Variants in PRKCI observed in about 807,000 individuals in gnomAD.
The protein encoded by PRKCI is protein kinase C iota.
A neutral mutation model predicts 84.0 loss-of-function variants in PRKCI; 43 were observed. That is an observed-to-expected ratio of 0.51 (90% CI 0.40 to 0.66). The LOEUF is 0.66. Among genes scored for constraint, PRKCI ranks in the 30% least tolerant of loss-of-function variants. PRKCI has a pLI of 0.00. For synonymous variants in PRKCI, 216 were observed against 234.4 expected, an observed-to-expected ratio of 0.92 and a Z score of 0.72; for missense variants, 459 against 745.6, an observed-to-expected ratio of 0.62 and a Z score of 4.48.
At chr3:170,236,797 G>A (rs1216553135) in intron 2 of PRKCI, among the ~76,000 whole-genome samples, 2 of 150,342 alleles carry the variant, frequency 1.3e-5, no homozygotes, top group Non-Finnish European at 2.9e-5. Context: ...GAAGGTCAAG[G>A]CTGAAGATGG....
intron 2 of PRKCI, among the ~76,000 whole-genome samples, chr3:170,250,809 C>T (rs1733425020): frequency 6.6e-6 from 1 of 152,130 alleles, no homozygotes; most frequent in Non-Finnish European, 1.5e-5. Context: ...ACCTTCCTAC[C>T]AGCAGTGTAT....
chr3:170,240,585 T>C (rs550507320), intron 2 of PRKCI, among the ~76,000 whole-genome samples: 1 of 152,362 alleles, frequency 6.6e-6, no homozygotes, highest in South Asian at 2.1e-4. Context: ...TATTTTTAAG[T>C]TACTTTCAAT....
chr3:170,242,088 A>G (rs1733146774), intron 2 of PRKCI, among the ~76,000 whole-genome samples: 1 of 151,714 alleles, frequency 6.6e-6, no homozygotes, highest in Admixed American at 6.6e-5. Context: ...TAGCCTGGGC[A>G]ACAATAGCAA....
intron 3 of PRKCI, among the ~76,000 whole-genome samples, chr3:170,262,111 C>T (rs1227987602): frequency 5.3e-5 from 8 of 152,130 alleles, no homozygotes; most frequent in African/African-American, 1.7e-4. Flanking sequence ...CTAAGAATAG[C>T]TGACTAGATA....
At chr3:170,258,774 C>T (rs922305264) in intron 2 of PRKCI, among the ~76,000 whole-genome samples, 2 of 152,160 alleles carry the variant, frequency 1.3e-5, no homozygotes, top group Non-Finnish European at 2.9e-5. Context: ...TGCAACTGTT[C>T]TTCAGTACTT....
At chr3:170,281,559 A>G in intron 10 of PRKCI, 2 of 400,548 alleles carry the variant, frequency 5.0e-6, no homozygotes, top group East Asian at 8.1e-5. Flanking sequence ...AAAATTTTCT[A>G]GCATTTAACA....
intron 12 of PRKCI, among the ~76,000 whole-genome samples, chr3:170,290,560 C>G (rs1270445823): frequency 6.6e-6 from 1 of 151,642 alleles, no homozygotes; most frequent in African/African-American, 2.4e-5. Context: ...TTAACTCTAG[C>G]TTTTTTCCAA....
chr3:170,246,227 A>C (rs1408633014), intron 2 of PRKCI, among the ~76,000 whole-genome samples: 1 of 151,912 alleles, frequency 6.6e-6, no homozygotes, highest in African/African-American at 2.4e-5. Flanking sequence ...ATCTTAGCCC[A>C]CTGCAACCTC....
intron 17 of PRKCI, among the ~76,000 whole-genome samples, 157 bp from the exon 18 acceptor site, chr3:170,302,883 T>G (rs1260828815): frequency 6.6e-6 from 1 of 152,226 alleles, no homozygotes; most frequent in East Asian, 1.9e-4. Flanking sequence ...TACTCCATTC[T>G]TGATTCGTCT....
At chr3:170,290,557 T>C (rs914338043) in intron 12 of PRKCI, among the ~76,000 whole-genome samples, 1 of 151,922 alleles carries the variant, frequency 6.6e-6, no homozygotes, top group African/African-American at 2.4e-5. Flanking sequence ...ATTTTAACTC[T>C]AGCTTTTTTC....
intron 15 of PRKCI, 46 bp downstream of exon 15, chr3:170,296,036 A>G (rs1351095434): frequency 6.8e-6 from 8 of 1,173,992 alleles, no homozygotes; most frequent in Non-Finnish European, 9.5e-6. Context: ...CTCTTTCTAT[A>G]TATATCAAAC....
At position 170,268,038 on chromosome 3, in the gene PRKCI, G is replaced by A. The variant is rs370925107; in HGVS notation, c.450+38G>A. On this transcript the variant is annotated intron_variant, in intron 5 of 17. Coordinates refer to ENST00000295797, the MANE Select transcript of PRKCI (RefSeq NM_002740.6). Reference sequence around the variant, plus strand: ...TGTTGAATGTCGATAATGTGAAACAGCTATTTTTTCCCTTTCTACTATGAA... The same window carrying A: ...TGTTGAATGTCGATAATGTGAAACAACTATTTTTTCCCTTTCTACTATGAA... 2.2e-5 allele frequency: 34 copies of A among 1,515,390 alleles called. No homozygotes were observed. The East Asian group carries it at 5.7e-4, about 25-fold the overall frequency. The allele number at this position is 1,515,390 out of a possible 1,614,324, so 93.9% of individuals were successfully genotyped here.
At chr3:170,272,948 T>G (rs559092299) in intron 6 of PRKCI, among the ~76,000 whole-genome samples, 4 of 152,286 alleles carry the variant, frequency 2.6e-5, no homozygotes, top group Admixed American at 6.5e-5. Context: ...GAATGCATAT[T>G]CCAGAAACTT....
chr3:170,225,760 TAGCC>T (rs748655037), intron 1 of PRKCI, among the ~76,000 whole-genome samples: 14 of 151,960 alleles, frequency 9.2e-5, no homozygotes, highest in Non-Finnish European at 2.1e-4. Flanking sequence ...ACTCATTTAA[TAGCC>T]AGCATTTTTT....
At chr3:170,232,865 A>C (rs747416587) in intron 1 of PRKCI, among the ~76,000 whole-genome samples, 2 of 152,160 alleles carry the variant, frequency 1.3e-5, no homozygotes, top group African/African-American at 4.8e-5. Context: ...AACTTCAAAG[A>C]GATTTCTCTT....
chr3:170,236,990 A>T (rs1034153498), intron 2 of PRKCI, among the ~76,000 whole-genome samples: 2 of 152,224 alleles, frequency 1.3e-5, no homozygotes, highest in African/African-American at 4.8e-5. Flanking sequence ...CAAATGTGAT[A>T]AATTCTGGAA....
chr3:170,297,641 G>T (rs924781657), intron 16 of PRKCI, among the ~76,000 whole-genome samples: 12 of 148,390 alleles, frequency 8.1e-5, no homozygotes, highest in African/African-American at 2.8e-4. Flanking sequence ...TAGTAGAGAT[G>T]GGGGGGGTTT....
At chr3:170,281,105 G>A in intron 9 of PRKCI, 61 bp from the exon 10 acceptor site, 1 of 1,412,562 alleles carries the variant, frequency 7.1e-7, no homozygotes, top group South Asian at 1.2e-5. Context: ...ATTGCTCAGA[G>A]CAAATTTATC....
intron 14 of PRKCI, among the ~76,000 whole-genome samples, chr3:170,294,145 C>G (rs908019943): frequency 6.6e-6 from 1 of 152,076 alleles, no homozygotes; most frequent in Non-Finnish European, 1.5e-5. Flanking sequence ...GAGAGATAAT[C>G]TTTACACAGG....
Sources: gnomAD v4.1 joint callset for allele counts (sites outside exome capture counted in the v4.1 genomes callset) on GRCh38, gnomAD v4.1.1 for gene constraint, MANE v1.5 for transcripts, NCBI Gene and HGNC (gene_info 2026-07-23, HGNC 2026-07-21) for gene names.